The following TNKS variants were observed in gnomAD, a reference collection of about 807,000 sequenced individuals.
TNKS encodes tankyrase.
Under a neutral mutation model 135.8 loss-of-function variants are expected in TNKS, and 72 were observed. The observed-to-expected ratio is 0.53, with a 90% CI of 0.44 to 0.64. The LOEUF (loss-of-function observed/expected upper bound fraction) is 0.64, where lower values mean the gene tolerates loss of function less well. Among genes scored for constraint, TNKS ranks in the 30% least tolerant of loss-of-function variants. The probability of loss-of-function intolerance (pLI) is 0.00; values close to 1 mark genes in which losing one functional copy is unlikely to be tolerated. For synonymous variants in TNKS, 849 were observed against 649.3 expected, an observed-to-expected ratio of 1.31 and a Z score of -4.68; for missense variants, 1,769 against 1,674.0, an observed-to-expected ratio of 1.06 and a Z score of -0.99.
In TNKS at chr8:9,667,694, T is replaced by G. The variant is rs559133104; in HGVS notation, c.995-12257T>G. Among the ~76,000 whole-genome samples the G allele has an allele frequency of 4.6e-5, 7 of 152,356 alleles. No homozygotes were observed. In the East Asian group the frequency reaches 1.2e-3, roughly 25 times the overall value. On this transcript the variant is annotated intron_variant, in intron 3 of 26. Coordinates refer to ENST00000310430, the MANE Select transcript of TNKS (RefSeq NM_003747.3). ...TTATGGTTTCCTCAAGAAGCACCAATTGTGATTTACTTCTTCAGCTGCACA... is the reference window on the plus strand; with the variant it reads ...TTATGGTTTCCTCAAGAAGCACCAAGTGTGATTTACTTCTTCAGCTGCACA...
At chr8:9,740,117 G>T (rs897585611) in intron 17 of TNKS, among the ~76,000 whole-genome samples, 2 of 148,200 alleles carry the variant, frequency 1.3e-5, no homozygotes, top group Non-Finnish European at 3.0e-5. Context: ...ACTGTCATCA[G>T]TTGTAAGAGG....
chr8:9,695,063 T>G (rs1394019338), intron 5 of TNKS, among the ~76,000 whole-genome samples: 2 of 152,178 alleles, frequency 1.3e-5, no homozygotes, highest in African/African-American at 2.4e-5. Context: ...TATATTAAAA[T>G]GTAAATGCTA....
chr8:9,649,561 G>A (rs1014885499), intron 3 of TNKS, among the ~76,000 whole-genome samples: 2 of 151,928 alleles, frequency 1.3e-5, no homozygotes, highest in Non-Finnish European at 1.5e-5. Flanking sequence ...TGAGATTTTC[G>A]TGCACCTGTT....
chr8:9,703,886 T>A (rs1803931449), intron 5 of TNKS, among the ~76,000 whole-genome samples: 1 of 152,224 alleles, frequency 6.6e-6, no homozygotes, highest in African/African-American at 2.4e-5. Context: ...AAGTTATTTC[T>A]GATTCTTAAA....
chr8:9,662,976 A>C (rs1421817217), intron 3 of TNKS, among the ~76,000 whole-genome samples: 3 of 152,188 alleles, frequency 2.0e-5, no homozygotes, highest in Admixed American at 2.0e-4. Flanking sequence ...AGATGGAGAG[A>C]TTATCTTGGG....
intron 20 of TNKS, among the ~76,000 whole-genome samples, chr8:9,758,610 C>T (rs1282779453): frequency 6.6e-6 from 1 of 152,146 alleles, no homozygotes; most frequent in African/African-American, 2.4e-5. Flanking sequence ...GTGCCTCTGG[C>T]TCAAGGTCTG....
intron 5 of TNKS, among the ~76,000 whole-genome samples, chr8:9,697,567 C>T (rs56951452): frequency 8.5e-4 from 129 of 152,168 alleles, no homozygotes; most frequent in African/African-American, 2.9e-3. Context: ...GTCTAATATC[C>T]AGGATCTATA....
At chr8:9,633,917 T>C (rs769078052) in intron 3 of TNKS, among the ~76,000 whole-genome samples, 2 of 152,150 alleles carry the variant, frequency 1.3e-5, no homozygotes, top group Admixed American at 1.3e-4. Flanking sequence ...TTGGAAATGC[T>C]GAGTCAGAAT....
intron 3 of TNKS, among the ~76,000 whole-genome samples, chr8:9,633,523 G>A (rs1030897999): frequency 6.6e-6 from 1 of 152,098 alleles, no homozygotes; most frequent in African/African-American, 2.4e-5. Flanking sequence ...CTCCAAGAAG[G>A]TGCCCAATCA....
In TNKS at chr8:9,556,454, C is replaced by G. The variant is rs754574836; in HGVS notation, c.515C>G (p.Pro172Arg). The change falls in exon 1 of 27, where the codon CCT (proline) becomes CGT (arginine). Residue 172 changes from proline (P) to arginine (R), a missense_variant. Physicochemically the swap from Pro to Arg is moderately radical, Grantham distance 103 (BLOSUM62 -2). Coordinates refer to ENST00000310430, the MANE Select transcript of TNKS (RefSeq NM_003747.3). ...CCACTGGGGCCTGGGGCAGCAGGAC[C>G]TGGGACAGGGGTCCCAGCAGTGAGC... is the stretch of plus-strand genomic sequence containing the variant. ...TAPLGPGAAG[P>R]GTGVPAVSGA... 25 of 1,614,034 alleles carry G rather than the reference C, an allele frequency of 1.5e-5. No individual in the cohort carries two copies. Among genetic ancestry groups the G allele is most frequent in the Non-Finnish European group, 2.0e-5 (24 of 1,180,038 alleles).
intron 21 of TNKS, 137 bp from the exon 22 acceptor site, chr8:9,763,010 T>G: frequency 2.4e-6 from 1 of 413,382 alleles, no homozygotes. Context: ...ATTTATCAGG[T>G]TCAAATTGCA....
chr8:9,596,756 C>G (rs930553233), intron 2 of TNKS, among the ~76,000 whole-genome samples: 1 of 152,178 alleles, frequency 6.6e-6, no homozygotes, highest in Non-Finnish European at 1.5e-5. Flanking sequence ...ATAATCATGG[C>G]TAGAGATAGA....
chr8:9,566,690 G>T (rs982199256), intron 1 of TNKS, among the ~76,000 whole-genome samples: 11 of 140,022 alleles, frequency 7.9e-5, no homozygotes, highest in Admixed American at 3.9e-4. Flanking sequence ...CTCACTGCAA[G>T]CTCCGCCTCC....
At chr8:9,667,700 T>C (rs999671253) in intron 3 of TNKS, among the ~76,000 whole-genome samples, 3 of 152,214 alleles carry the variant, frequency 2.0e-5, no homozygotes, top group African/African-American at 7.2e-5. Context: ...CCAATTGTGA[T>C]TTACTTCTTC....
chr8:9,649,444 G>T (rs1563141289), intron 3 of TNKS, among the ~76,000 whole-genome samples: 1 of 152,198 alleles, frequency 6.6e-6, no homozygotes, highest in Non-Finnish European at 1.5e-5. Context: ...CACTGAAGAA[G>T]AAATGAATAA....
At chr8:9,707,622 A>G (rs1236271191) in intron 8 of TNKS, among the ~76,000 whole-genome samples, 9 of 152,220 alleles carry the variant, frequency 5.9e-5, no homozygotes, top group Non-Finnish European at 1.2e-4. Context: ...TATACATGCA[A>G]ATGTTTTTTA....
chr8:9,771,449 G>A (rs1029204065), intron 26 of TNKS, among the ~76,000 whole-genome samples: 1 of 83,992 alleles, frequency 1.2e-5, no homozygotes, highest in East Asian at 3.8e-4. Flanking sequence ...GAAAGGAAAA[G>A]AGAGAGAAGA....
intron 3 of TNKS, among the ~76,000 whole-genome samples, chr8:9,655,689 G>A (rs1441357227): frequency 1.3e-5 from 2 of 152,172 alleles, no homozygotes; most frequent in Non-Finnish European, 2.9e-5. Context: ...GGTCCTGACT[G>A]TTAGAAGGAA....
At chr8:9,633,076 A>G (rs935200848) in intron 3 of TNKS, among the ~76,000 whole-genome samples, 1 of 150,872 alleles carries the variant, frequency 6.6e-6, no homozygotes, top group African/African-American at 2.4e-5. Flanking sequence ...TTTTGGCATT[A>G]TGGAAAATGG....
Sources: gnomAD v4.1 joint callset for allele counts (sites outside exome capture counted in the v4.1 genomes callset) on GRCh38, gnomAD v4.1.1 for gene constraint, MANE v1.5 for transcripts, NCBI Gene and HGNC (gene_info 2026-07-23, HGNC 2026-07-21) for gene names.